GGTA1: variants seen among roughly 807,000 people sequenced by gnomAD.
GGTA1 encodes glycoprotein alpha-galactosyltransferase 1 (inactive).
GGTA1 carries 5 observed loss-of-function variants against 2.6 expected under a neutral mutation model. The observed-to-expected ratio is 1.92, with a 90% CI of 1.00 to 4.04. The LOEUF is 4.04. GGTA1 is among the 30% of genes most tolerant of loss of function. The probability of loss-of-function intolerance (pLI) is 0.00; values close to 1 mark genes in which losing one functional copy is unlikely to be tolerated. For missense variants in GGTA1, 50 were observed against 16.7 expected (o/e 2.99, Z -3.47); for synonymous variants, 17 against 5.0 (o/e 3.38, Z -3.19).
In GGTA1 at chr9:121,469,749, A is replaced by C. The variant is rs191295126; in HGVS notation, c.-9-1818T>G. ...TTAGAGATAGCCAGGGCTCAGCTAG[A>C]AGCATGCCTTTGATATACAAATGAA... On this transcript the variant is annotated intron_variant, in intron 1 of 5. Coordinates refer to ENST00000481799, the MANE Select transcript of GGTA1 (RefSeq NM_001382585.1). 6.9e-3 allele frequency among the ~76,000 whole-genome samples: 1,050 copies of C among 152,296 alleles called. 4 individuals carry two copies. The highest frequency in any genetic ancestry group is 0.011 in the Admixed American group (168 of 15,298).
intron 1 of GGTA1, among the ~76,000 whole-genome samples, chr9:121,485,958 T>C (rs373892575): frequency 1.3e-5 from 2 of 152,170 alleles, no homozygotes; most frequent in African/African-American, 2.4e-5. Flanking sequence ...AAAAACCCAT[T>C]TGTGATTCCT....
chr9:121,483,836 G>A (rs1004522912), intron 1 of GGTA1, among the ~76,000 whole-genome samples: 20 of 152,242 alleles, frequency 1.3e-4, no homozygotes, highest in African/African-American at 4.8e-4. Flanking sequence ...CTGTGGAGGT[G>A]TGAGGATTAA....
intron 1 of GGTA1, among the ~76,000 whole-genome samples, chr9:121,495,250 A>G (rs573323195): frequency 6.6e-6 from 1 of 151,830 alleles, no homozygotes; most frequent in East Asian, 2.0e-4. Context: ...TTCTGGAAAG[A>G]GTTGACTATC....
At chr9:121,445,083 G>T (rs139444209) in exon 8 of GGTA1, 2 of 152,262 alleles carry the variant, frequency 1.3e-5, no homozygotes, top group Non-Finnish European at 2.9e-5. Flanking sequence ...GTCCATTGGG[G>T]ATTTAAACTT....
At chr9:121,479,547 T>C (rs1288586075) in intron 1 of GGTA1, among the ~76,000 whole-genome samples, 2 of 152,022 alleles carry the variant, frequency 1.3e-5, no homozygotes, top group Non-Finnish European at 1.5e-5. Context: ...CTGGGCCTAG[T>C]ATGGGAGGAG....
downstream of GGTA1, among the ~76,000 whole-genome samples, chr9:121,454,631 C>G (rs1344632515): frequency 6.6e-6 from 1 of 152,202 alleles, no homozygotes; most frequent in Non-Finnish European, 1.5e-5. Flanking sequence ...ACCACGTACA[C>G]TATTTCTTAT....
At chr9:121,477,322 G>A (rs1828531304) in intron 1 of GGTA1, among the ~76,000 whole-genome samples, 1 of 152,138 alleles carries the variant, frequency 6.6e-6, no homozygotes, top group Non-Finnish European at 1.5e-5. Context: ...CTCTTTTATT[G>A]GAAATGATTC....
At chr9:121,466,277 C>A (rs975106816) in intron 2 of GGTA1, among the ~76,000 whole-genome samples, 21 of 152,156 alleles carry the variant, frequency 1.4e-4, no homozygotes, top group Non-Finnish European at 2.5e-4. Flanking sequence ...GGCTGAGCAA[C>A]TTGCCCAAGG....
At chr9:121,456,124 C>T (rs555468214) in intron 5 of GGTA1, among the ~76,000 whole-genome samples, 27 of 152,268 alleles carry the variant, frequency 1.8e-4, no homozygotes, top group Non-Finnish European at 3.7e-4. Flanking sequence ...GCAGCTCACA[C>T]ATGTGAAAAG....
intron 1 of GGTA1, among the ~76,000 whole-genome samples, chr9:121,481,813 A>G (rs1169642840): frequency 4.0e-5 from 6 of 150,544 alleles, no homozygotes; most frequent in Non-Finnish European, 8.9e-5. Context: ...CCTGACCAAC[A>G]TGGAGAAACC....
At position 121,455,711 on chromosome 9, in the gene GGTA1, A is replaced by G; in HGVS notation, c.*126T>C. 1 of 364,610 alleles carries G rather than the reference A, an allele frequency of 2.7e-6. No individual in the cohort carries two copies. The highest frequency in any genetic ancestry group is 5.5e-6 in the Non-Finnish European group (1 of 181,514). The allele number at this position is 364,610 out of a possible 1,614,324, so 22.6% of individuals were successfully genotyped here. A position where few individuals can be genotyped will look rare whatever the true frequency, so the allele number is the denominator to read the frequency against. On this transcript the variant is annotated 3_prime_UTR_variant, in exon 6 of 6. Transcript: ENST00000481799. Reference sequence around the variant, plus strand: ...AAATGAGACCCAGTCCTTCCCCTTGAGAATCTCGCAGTCCCAACAGGTGGT... The same window carrying G: ...AAATGAGACCCAGTCCTTCCCCTTGGGAATCTCGCAGTCCCAACAGGTGGT...
intron 1 of GGTA1, among the ~76,000 whole-genome samples, chr9:121,469,418 G>A (rs760310782): frequency 1.3e-5 from 2 of 152,152 alleles, no homozygotes; most frequent in East Asian, 1.9e-4. Flanking sequence ...ACAGGATGGC[G>A]GACAGGGCAA....
intron 1 of GGTA1, among the ~76,000 whole-genome samples, chr9:121,481,041 A>G (rs1276365061): frequency 1.3e-5 from 2 of 151,334 alleles, no homozygotes; most frequent in African/African-American, 2.4e-5. Context: ...TAGTCCCAGC[A>G]ACTCGGGAGG....
At chr9:121,466,674 C>T (rs1394371390) in intron 2 of GGTA1, among the ~76,000 whole-genome samples, 2 of 151,964 alleles carry the variant, frequency 1.3e-5, no homozygotes, top group Non-Finnish European at 2.9e-5. Flanking sequence ...CAAAAGAGGC[C>T]GGGCATGGTG....
At chr9:121,479,711 A>AAC (rs1249925578) in intron 1 of GGTA1, among the ~76,000 whole-genome samples, 2 of 152,006 alleles carry the variant, frequency 1.3e-5, no homozygotes, top group Non-Finnish European at 2.9e-5. Flanking sequence ...CACACACACA[A>AAC]ACACACACAC....
At chr9:121,494,309 G>A (rs950750892) in intron 1 of GGTA1, among the ~76,000 whole-genome samples, 2 of 152,190 alleles carry the variant, frequency 1.3e-5, no homozygotes, top group Non-Finnish European at 2.9e-5. Flanking sequence ...CTGAGACTCT[G>A]TTTGGCAATG....
intron 1 of GGTA1, among the ~76,000 whole-genome samples, chr9:121,469,636 T>C (rs1444059313): frequency 6.6e-6 from 1 of 152,244 alleles, no homozygotes; most frequent in African/African-American, 2.4e-5. Context: ...TACATGTTTT[T>C]TTCTTGGCTA....
intron 3 of GGTA1, among the ~76,000 whole-genome samples, chr9:121,461,963 A>G (rs1183693732): frequency 3.3e-5 from 5 of 152,226 alleles, no homozygotes; most frequent in Non-Finnish European, 7.3e-5. Flanking sequence ...AGTTCAGGAA[A>G]CTACTTAGAA....
intron 1 of GGTA1, among the ~76,000 whole-genome samples, chr9:121,473,958 AGG>A (rs1564654682): frequency 3.9e-5 from 5 of 129,294 alleles, no homozygotes; most frequent in Middle Eastern, 3.8e-3. Flanking sequence ...AGAGAGAGAG[AGG>A]GAGGGAGGGA....
Sources: allele counts gnomAD v4.1 joint callset (sites outside exome capture counted in the v4.1 genomes callset), GRCh38; gene constraint gnomAD v4.1.1; transcripts MANE v1.5; gene names NCBI Gene and HGNC (gene_info 2026-07-23, HGNC 2026-07-21).